Variants in TACC2 observed in about 807,000 individuals in gnomAD.
TACC2 encodes transforming acidic coiled-coil containing protein 2.
Under a neutral mutation model 227.3 loss-of-function variants are expected in TACC2, and 137 were observed. That is an observed-to-expected ratio of 0.60 (90% CI 0.52 to 0.69). TACC2 has a LOEUF of 0.69. Among genes scored for constraint, TACC2 ranks in the 30% least tolerant of loss-of-function variants. The pLI is 0.00. For missense variants in TACC2, 3,470 were observed against 3,694.4 expected, an observed-to-expected ratio of 0.94 and a Z score of 1.57; for synonymous variants, 1,523 against 1,487.5, an observed-to-expected ratio of 1.02 and a Z score of -0.55.
intron 3 of TACC2, among the ~76,000 whole-genome samples, chr10:122,064,838 C>A (rs2077217538): frequency 6.6e-6 from 1 of 152,150 alleles, no homozygotes; most frequent in African/African-American, 2.4e-5. Flanking sequence ...CAGATACATA[C>A]TGTGAGTTGT....
chr10:122,118,144 A>T (rs2085065952), intron 5 of TACC2, among the ~76,000 whole-genome samples: 2 of 151,422 alleles, frequency 1.3e-5, no homozygotes, highest in Non-Finnish European at 2.9e-5. Flanking sequence ...CCTCCCAAGT[A>T]GCTGGGACTA....
intron 22 of TACC2, among the ~76,000 whole-genome samples, chr10:122,250,517 A>T (rs2096233486): frequency 6.6e-6 from 1 of 152,154 alleles, no homozygotes. Context: ...CCGCAGGAGC[A>T]CCCAGCCAGC....
chr10:122,055,134 T>G (rs144753296), intron 3 of TACC2, among the ~76,000 whole-genome samples: 3,747 of 152,058 alleles, frequency 0.025, 72 homozygotes, highest in African/African-American at 0.054. Context: ...GCAGGAGAAT[T>G]GCTTGAACCC....
At chr10:122,234,795 T>C (rs899601622) in intron 16 of TACC2, among the ~76,000 whole-genome samples, 4 of 152,234 alleles carry the variant, frequency 2.6e-5, no homozygotes, top group African/African-American at 9.6e-5. Flanking sequence ...AATTCCTTCA[T>C]TAGTCATATT....
chr10:122,170,263 C>CTTTTTTTTT (rs34194262), intron 7 of TACC2, among the ~76,000 whole-genome samples: 2 of 63,198 alleles, frequency 3.2e-5, no homozygotes, highest in African/African-American at 6.9e-5. Flanking sequence ...ATGATCAAGT[C>CTTTTTTTTT]TTTTTTTTTT....
chr10:121,994,559 C>T (rs10160002), intron 1 of TACC2: 23,266 of 152,268 alleles, frequency 0.15, 2,169 homozygotes, highest in Admixed American at 0.24. Context: ...CCGGCGTTCC[C>T]AACCTTAAGC....
intron 5 of TACC2, among the ~76,000 whole-genome samples, chr10:122,096,796 C>T (rs141624822): frequency 1.3e-3 from 198 of 152,278 alleles, no homozygotes; most frequent in African/African-American, 4.4e-3. Flanking sequence ...GTTCTTGTCC[C>T]GAAAACCTGG....
intron 5 of TACC2, among the ~76,000 whole-genome samples, chr10:122,096,840 T>C (rs529085140): frequency 1.3e-5 from 2 of 152,288 alleles, no homozygotes; most frequent in East Asian, 3.9e-4. Context: ...TTACAGCATC[T>C]CAGCCCCTTC....
intron 5 of TACC2, among the ~76,000 whole-genome samples, chr10:122,089,521 G>C (rs2080489833): frequency 6.6e-6 from 1 of 152,234 alleles, no homozygotes; most frequent in Non-Finnish European, 1.5e-5. Flanking sequence ...GTGTTATGCA[G>C]AAGCTGCTGC....
chr10:122,008,954 G>T (rs1282000367), intron 1 of TACC2, among the ~76,000 whole-genome samples: 3 of 152,312 alleles, frequency 2.0e-5, no homozygotes, highest in East Asian at 1.9e-4. Flanking sequence ...ATTTTTTAAA[G>T]AATTTTCTAT....
In TACC2 at chr10:122,205,438, C is replaced by T. The variant is rs1263973601; in HGVS notation, c.5972-4959C>T. Among the ~76,000 whole-genome samples, 2 of 152,226 alleles carry T rather than the reference C, an allele frequency of 1.3e-5. No homozygotes were observed. Among genetic ancestry groups the T allele is most frequent in the Middle Eastern group, 3.2e-3 (1 of 316 alleles). On this transcript the variant is annotated intron_variant, in intron 8 of 22. Transcript: ENST00000369005. This position sits in a 1 kb window ranked among gnomAD's most constrained non-coding sequence, Gnocchi z 4.5. The stretch of plus-strand genomic sequence containing the variant: ...GCCTCTGCCTGGTACTTCTGCAGCA[C>T]TGATGCCTCACGCCTCTGGGGTAAA...
At chr10:122,250,414 G>A (rs755966353) in intron 22 of TACC2, among the ~76,000 whole-genome samples, 1 of 152,238 alleles carries the variant, frequency 6.6e-6, no homozygotes, top group Non-Finnish European at 1.5e-5. Flanking sequence ...TGGGTTGGCA[G>A]CACAATTTTT....
chr10:122,148,347 G>A (rs1032282133), intron 7 of TACC2, among the ~76,000 whole-genome samples: 4 of 152,198 alleles, frequency 2.6e-5, no homozygotes, highest in Non-Finnish European at 5.9e-5. Context: ...CAGGTGATCC[G>A]ACCGCCTCAG....
At chr10:122,204,951 C>T (rs1452885613) in intron 8 of TACC2, among the ~76,000 whole-genome samples, 1 of 152,156 alleles carries the variant, frequency 6.6e-6, no homozygotes, top group African/African-American at 2.4e-5. Flanking sequence ...AACAGTGCTC[C>T]TGGGTGCCTT....
At chr10:122,117,707 G>A (rs1254930601) in intron 5 of TACC2, among the ~76,000 whole-genome samples, 1 of 152,136 alleles carries the variant, frequency 6.6e-6, no homozygotes, top group Non-Finnish European at 1.5e-5. Flanking sequence ...AGGTCCAGGA[G>A]CTATTCTAGT....
At chr10:122,005,698 C>CCT (rs1955017621) in intron 1 of TACC2, among the ~76,000 whole-genome samples, 1 of 66,598 alleles carries the variant, frequency 1.5e-5, no homozygotes. Context: ...TTTTTTTTTT[C>CCT]TTTTTTTTTT....
chr10:122,123,732 G>A (rs1276951095), intron 5 of TACC2, among the ~76,000 whole-genome samples: 1 of 152,074 alleles, frequency 6.6e-6, no homozygotes, highest in Non-Finnish European at 1.5e-5. Context: ...CTCTGTTGGT[G>A]AGAACTATGC....
chr10:122,166,337 T>A (rs1334961389), intron 7 of TACC2, among the ~76,000 whole-genome samples: 1 of 152,210 alleles, frequency 6.6e-6, no homozygotes, highest in Non-Finnish European at 1.5e-5. Flanking sequence ...TTCCTTCCAA[T>A]TGCAGGTTTG....
chr10:122,183,244 T>G (rs1484074772), intron 7 of TACC2, among the ~76,000 whole-genome samples: 2 of 150,212 alleles, frequency 1.3e-5, no homozygotes, highest in African/African-American at 2.4e-5. Flanking sequence ...CAACAGGGGG[T>G]GGGGGCTTAG....
Sources: allele counts gnomAD v4.1 joint callset (sites outside exome capture counted in the v4.1 genomes callset), GRCh38; gene constraint gnomAD v4.1.1; non-coding constraint Gnocchi (gnomAD v3.1); transcripts MANE v1.5; gene names NCBI Gene and HGNC (gene_info 2026-07-23, HGNC 2026-07-21).